Variants in C1orf94 observed in about 807,000 individuals in gnomAD.
The protein encoded by C1orf94 is uncharacterized protein C1orf94.
In C1orf94, 45 loss-of-function variants were observed where a neutral mutation model predicts 53.6. That is an observed-to-expected ratio of 0.84 (90% confidence interval 0.66 to 1.08). The LOEUF is 1.08. Ranked by LOEUF, C1orf94 falls within the 50% of genes least tolerant of loss-of-function variation. The probability of loss-of-function intolerance (pLI) is 0.00; values close to 1 mark genes in which losing one functional copy is unlikely to be tolerated. For synonymous variants in C1orf94, 304 were observed against 296.1 expected (o/e 1.03, Z -0.27); for missense variants, 762 against 738.9 (o/e 1.03, Z -0.36).
At chr1:34,171,210 G>C (rs948682891) in intron 1 of C1orf94, among the ~76,000 whole-genome samples, 1 of 152,100 alleles carries the variant, frequency 6.6e-6, no homozygotes, top group Non-Finnish European at 1.5e-5. Flanking sequence ...TCAGCTCTAA[G>C]CCATTCTGAC....
chr1:34,189,398 C>T (rs1571339924), intron 1 of C1orf94, among the ~76,000 whole-genome samples: 1 of 151,666 alleles, frequency 6.6e-6, no homozygotes, highest in East Asian at 1.9e-4. Flanking sequence ...GGAGAAGGTA[C>T]CTGGGCAATT....
At chr1:34,189,293 T>C (rs1249850456) in intron 1 of C1orf94, among the ~76,000 whole-genome samples, 1 of 151,810 alleles carries the variant, frequency 6.6e-6, no homozygotes, top group Non-Finnish European at 1.5e-5. Flanking sequence ...TATGTGTGCA[T>C]AGTGTGTGTG....
rs1642907868 is a variant in C1orf94 at position 34,212,388 on chromosome 1, T to C, written c.1703T>C (p.Leu568Pro). ...ATGGCAGGAGATGGACCGCAGTACC[T>C]CTTTCCCCAAGGATATGGGTGAGTC... ...PLMAGDGPQY[L>P]FPQGYGFGST... Residue 568 changes from leucine to proline, a missense_variant, in exon 6 of 7, where the codon CTC becomes CCC. Physicochemically the swap from Leu to Pro is moderately conservative, Grantham distance 98. Coordinates refer to ENST00000488417, the MANE Select transcript of C1orf94 (RefSeq NM_001134734.2). 1 of 1,610,424 alleles carries C rather than the reference T, an allele frequency of 6.2e-7. No individual in the cohort carries two copies. The highest frequency in any genetic ancestry group is 8.5e-7 in the Non-Finnish European group (1 of 1,178,694).
At chr1:34,168,481 T>C (rs1642087301) in intron 1 of C1orf94, among the ~76,000 whole-genome samples, 1 of 152,034 alleles carries the variant, frequency 6.6e-6, no homozygotes, top group Non-Finnish European at 1.5e-5. Flanking sequence ...TATTAGGGGA[T>C]GGCGAGGAGT....
chr1:34,194,428 A>G (rs1416484484), intron 1 of C1orf94, among the ~76,000 whole-genome samples: 1 of 152,126 alleles, frequency 6.6e-6, no homozygotes, highest in African/African-American at 2.4e-5. Flanking sequence ...CCAGGTGCTG[A>G]GAAGGGACCA....
chr1:34,194,394 G>A (rs1340651314), intron 1 of C1orf94, among the ~76,000 whole-genome samples: 1 of 152,164 alleles, frequency 6.6e-6, no homozygotes, highest in East Asian at 1.9e-4. Context: ...CTGGCTTCAG[G>A]TTGGGGAGGG....
rs147621215 is a variant in C1orf94, at chr1:34,197,874, C to T, written c.970C>T (p.Pro324Ser). 8.7e-6 allele frequency: 14 copies of T among 1,614,024 alleles called. No homozygotes were observed. The African/African-American group carries it at 1.1e-4, about 12-fold the overall frequency. The change falls in exon 2 of 7, where the codon CCC becomes TCC. Residue 324 changes from proline to serine, a missense_variant. Coordinates refer to ENST00000488417, the MANE Select transcript of C1orf94 (RefSeq NM_001134734.2). This position sits in a 1 kb window ranked among gnomAD's most constrained non-coding sequence, Gnocchi z 4.1. ...LPVFAKICSK[P>S]KADPAVERHH... ...AGTGTTTGCCAAGATCTGTTCCAAGCCCAAGGCTGACCCTGCTGTGGAGAG... is the reference window on the plus strand; with the variant it reads ...AGTGTTTGCCAAGATCTGTTCCAAGTCCAAGGCTGACCCTGCTGTGGAGAG...
intron 1 of C1orf94, among the ~76,000 whole-genome samples, chr1:34,185,131 C>T (rs529919979): frequency 6.6e-6 from 1 of 152,132 alleles, no homozygotes; most frequent in Non-Finnish European, 1.5e-5. Flanking sequence ...GCTCTGAGAC[C>T]CAACCCTTAA....
Position 34,202,077 on chromosome 1 carries a change from C to T in C1orf94, c.1271-7C>T. ...CTGACCCGCTTTGCCTCTCCTGTGA[C>T]TTGCAGTTAACGCACCTGTGACGGT... On this transcript the variant is annotated splice_region_variant and splice_polypyrimidine_tract_variant and intron_variant, in intron 3 of 6. Transcript: ENST00000488417. 6.2e-7 allele frequency: 1 copy of T among 1,612,216 alleles called. No individual in the cohort carries two copies. Among genetic ancestry groups the T allele is most frequent in the South Asian group, 1.1e-5 (1 of 90,638 alleles).
intron 2 of C1orf94, among the ~76,000 whole-genome samples, 184 bp from the exon 3 acceptor site, chr1:34,200,587 GC>G (rs972043297): frequency 2.6e-5 from 4 of 152,098 alleles, no homozygotes; most frequent in African/African-American, 9.7e-5. Flanking sequence ...AGATCGGGGG[GC>G]AGGGGCCAGG....
At chr1:34,187,006 G>A (rs1309897763) in intron 1 of C1orf94, among the ~76,000 whole-genome samples, 4 of 152,184 alleles carry the variant, frequency 2.6e-5, no homozygotes, top group African/African-American at 7.2e-5. Flanking sequence ...AGGTAGCCAG[G>A]ATCGAAGCAA....
At chr1:34,169,706 A>T (rs1642114583) in intron 1 of C1orf94, among the ~76,000 whole-genome samples, 1 of 151,108 alleles carries the variant, frequency 6.6e-6, no homozygotes, top group South Asian at 2.1e-4. Context: ...GCTGCAGAGA[A>T]GGGCTACAGG....
intron 4 of C1orf94, among the ~76,000 whole-genome samples, chr1:34,202,815 A>T (rs1301635041): frequency 6.6e-6 from 1 of 152,224 alleles, no homozygotes; most frequent in Non-Finnish European, 1.5e-5. Flanking sequence ...AGCCCTCTGT[A>T]TCCATGGGTT....
Position 34,177,732 on chromosome 1 carries a change from AGC to A in C1orf94, c.-57_-56del. On this transcript the variant is annotated 5_prime_UTR_variant, in exon 1 of 7. Transcript: ENST00000488417. ...AACCTAACCACCTTGCTGGAGCGAA[AGC>A]CAGACAGAACTGACCCACTTCTGCC... is the stretch of plus-strand genomic sequence containing the variant. 6.9e-7 allele frequency: 1 copy of A among 1,448,650 alleles called. No homozygotes were observed. The highest frequency in any genetic ancestry group is 2.5e-5 in the East Asian group (1 of 39,934). 89.7% of individuals were successfully genotyped at this position (1,448,650 alleles called of 1,614,324 possible). A position where few individuals can be genotyped will look rare whatever the true frequency, so the allele number is the denominator to read the frequency against.
chr1:34,215,782 G>T lies in C1orf94; in HGVS notation c.1722-2904G>T, dbSNP rs138145115. 4.6e-4 allele frequency among the ~76,000 whole-genome samples: 70 copies of T among 152,256 alleles called. 1 individual carries two copies. The East Asian group carries it at 0.012, about 26-fold the overall frequency. On this transcript the variant is annotated intron_variant, in intron 6 of 6. Transcript: ENST00000488417. ...GCACTTTCGGAGACCGAGGTGGGTG[G>T]ATCACTTGAGGTCAGGAGTTCGAGA...
intron 1 of C1orf94, among the ~76,000 whole-genome samples, chr1:34,192,080 TAG>T (rs1470858395): frequency 6.6e-6 from 1 of 152,124 alleles, no homozygotes; most frequent in Non-Finnish European, 1.5e-5. Flanking sequence ...TTCGCTGTGA[TAG>T]AGTCTGTGAT....
intron 2 of C1orf94, among the ~76,000 whole-genome samples, chr1:34,199,371 A>T (rs1030799410): frequency 5.3e-5 from 8 of 152,202 alleles, no homozygotes; most frequent in African/African-American, 1.9e-4. Flanking sequence ...TGAATTCGGC[A>T]ACCGGAGGAA....
At chr1:34,213,123 G>A (rs1394286782) in intron 6 of C1orf94, among the ~76,000 whole-genome samples, 1 of 152,150 alleles carries the variant, frequency 6.6e-6, no homozygotes, top group Non-Finnish European at 1.5e-5. Flanking sequence ...CAAGGGGCAC[G>A]TGGTGCCCTG....
chr1:34,198,052 C>T (rs188398890), intron 2 of C1orf94, 139 bp downstream of exon 2: 27 of 959,394 alleles, frequency 2.8e-5, no homozygotes, highest in African/African-American at 9.9e-5. Flanking sequence ...GGCACAGCCC[C>T]GAGGGACGGG....
Sources: allele counts gnomAD v4.1 joint callset (sites outside exome capture counted in the v4.1 genomes callset), GRCh38; gene constraint gnomAD v4.1.1; non-coding constraint Gnocchi (gnomAD v3.1); transcripts MANE v1.5; gene names NCBI Gene and HGNC (gene_info 2026-07-23, HGNC 2026-07-21).